Variants in UGGT1 observed in about 807,000 individuals in gnomAD.
UGGT1 encodes UDP-glucose:glycoprotein glucosyltransferase 1.
Under a neutral mutation model 203.9 loss-of-function variants are expected in UGGT1, and 107 were observed. The ratio of observed to expected loss-of-function variants is 0.52; its 90% confidence interval spans 0.45 to 0.62. The LOEUF (loss-of-function observed/expected upper bound fraction) is 0.62, where lower values mean the gene tolerates loss of function less well. Among genes scored for constraint, UGGT1 ranks in the 20% least tolerant of loss-of-function variants. The pLI is 0.00. For missense variants in UGGT1, 1,673 were observed against 1,867.2 expected (o/e 0.90, Z 1.92); for synonymous variants, 628 against 653.5 (o/e 0.96, Z 0.59).
Position 128,129,143 on chromosome 2 carries a change from A to G in UGGT1, c.1341A>G (p.Ala447=), listed in dbSNP as rs1688757270. The G allele has an allele frequency of 6.2e-7, 1 of 1,613,852 alleles. No homozygotes were observed. Among genetic ancestry groups the G allele is most frequent in the Non-Finnish European group, 8.5e-7 (1 of 1,180,000 alleles). ...AGCTGAACATCCAGCCCTCTGAGGC[A>G]GACTATGCCGTAGACATCCGGAGTC... ...VLKLNIQPSE[A]DYAVDIRSPA... Residue 447 remains alanine (A), a synonymous_variant, in exon 13 of 41, where the codon GCA becomes GCG. Coordinates refer to ENST00000259253, the MANE Select transcript of UGGT1 (RefSeq NM_020120.4).
At chr2:128,171,582 A>G (rs925308289) in intron 28 of UGGT1, among the ~76,000 whole-genome samples, 1 of 151,980 alleles carries the variant, frequency 6.6e-6, no homozygotes, top group Non-Finnish European at 1.5e-5. Flanking sequence ...ATCTTGGCTC[A>G]CTGCAGCCTC....
rs1558784829 is a variant in UGGT1 at position 128,138,761 on chromosome 2, G to A, written c.1628G>A (p.Gly543Glu). ...GTTAATGACTCTGAAGATGTTGATG[G>A]GATGCAAGATGCTGGAGTGGCTGTT... ...FVVNDSEDVD[G>E]MQDAGVAVLR... Residue 543 changes from glycine to glutamate, a missense_variant, in exon 16 of 41, where the codon GGG (glycine) becomes GAG (glutamate). Transcript: ENST00000259253. The A allele has an allele frequency of 6.2e-7, 1 of 1,614,052 alleles. No homozygotes were observed. The highest frequency in any genetic ancestry group is 2.2e-5 in the East Asian group (1 of 44,880).
chr2:128,159,786 C>G, intron 23 of UGGT1, 66 bp downstream of exon 23: 2 of 1,482,618 alleles, frequency 1.3e-6, no homozygotes, highest in Middle Eastern at 2.2e-4. Flanking sequence ...CCCACTGCAG[C>G]TTACGTGTCC....
chr2:128,106,335 G>T (rs533199392), intron 3 of UGGT1, among the ~76,000 whole-genome samples: 2 of 151,954 alleles, frequency 1.3e-5, no homozygotes, highest in Non-Finnish European at 2.9e-5. Flanking sequence ...AAAGCTATAG[G>T]AGTATGAATT....
At position 128,176,407 on chromosome 2, in the gene UGGT1, CAAAAAA is replaced by C. The variant is rs757833629; in HGVS notation, c.3540-388_3540-383del. Among the ~76,000 whole-genome samples the C allele has an allele frequency of 2.7e-4, 19 of 70,194 alleles. No individual in the cohort carries two copies. The South Asian group carries it at 2.9e-3, about 11-fold the overall frequency. 46.0% of individuals were successfully genotyped at this position (70,194 alleles called of 152,430 possible). A position where few individuals can be genotyped will look rare whatever the true frequency, so the allele number is the denominator to read the frequency against. ...AGGGCAACAGAGCAAAACTCTGTCTCAAAAAAAAAAAAAAAAAAAAAAAAGAGCGGA... is the reference window on the plus strand; with the variant it reads ...AGGGCAACAGAGCAAAACTCTGTCTCAAAAAAAAAAAAAAAAAAGAGCGGA... On this transcript the variant is annotated intron_variant, in intron 31 of 40. Transcript: ENST00000259253.
intron 11 of UGGT1, among the ~76,000 whole-genome samples, chr2:128,126,635 A>G (rs898834402): frequency 6.6e-6 from 1 of 150,564 alleles, no homozygotes; most frequent in Non-Finnish European, 1.5e-5. Flanking sequence ...CTATATTACC[A>G]GTGTCCAGAC....
At chr2:128,135,031 G>A in intron 15 of UGGT1, 70 bp downstream of exon 15, 2 of 1,320,452 alleles carry the variant, frequency 1.5e-6, no homozygotes, top group Non-Finnish European at 2.2e-6. Flanking sequence ...TTAAATGCAA[G>A]TCTGGTGCTA....
Position 128,189,712 on chromosome 2 carries a change from C to T in UGGT1, c.4643-5C>T, listed in dbSNP as rs1233517612. 6 of 1,611,648 alleles carry T rather than the reference C, an allele frequency of 3.7e-6. No homozygotes were observed. Among genetic ancestry groups the T allele is most frequent in the Non-Finnish European group, 5.1e-6 (6 of 1,178,612 alleles). On this transcript the variant is annotated splice_region_variant and splice_polypyrimidine_tract_variant and intron_variant, in intron 40 of 40. Coordinates refer to ENST00000259253, the MANE Select transcript of UGGT1 (RefSeq NM_020120.4). ...TTTCTTTTCTGTGGTTCTCCTTTTC[C>T]TTAGGTCCTCAGAAACGTGAAGAAT...
chr2:128,107,100 C>G (rs184369470), intron 3 of UGGT1, among the ~76,000 whole-genome samples: 17 of 152,186 alleles, frequency 1.1e-4, no homozygotes, highest in African/African-American at 3.4e-4. Context: ...CCTTCTGTTT[C>G]TTTCCTGCTT....
At chr2:128,140,883 T>C (rs1404569604) in intron 16 of UGGT1, among the ~76,000 whole-genome samples, 1 of 152,074 alleles carries the variant, frequency 6.6e-6, no homozygotes, top group Non-Finnish European at 1.5e-5. Flanking sequence ...AGATGATGTC[T>C]CACTATGTTT....
At position 128,161,134 on chromosome 2, in the gene UGGT1, A is replaced by G; in HGVS notation, c.2695-4A>G. 2.5e-6 allele frequency: 4 copies of G among 1,613,672 alleles called. No homozygotes were observed. The highest frequency in any genetic ancestry group is 3.4e-6 in the Non-Finnish European group (4 of 1,179,842). ...CTAAGCGCCTGCTCTTCTCTCCTTC[A>G]CAGATCATTGGGCCACTGGAGGATA... On this transcript the variant is annotated splice_polypyrimidine_tract_variant and splice_region_variant and intron_variant, in intron 24 of 40. Transcript: ENST00000259253.
In UGGT1 at chr2:128,169,048, T is replaced by TAAAAAAAAAAAAAAAA. The variant is rs544381740; in HGVS notation, c.2922-1212_2922-1197dup. ...GGGTGAATGAGCGAGACTCTGTCTT[T>TAAAAAAAAAAAAAAAA]AAAAAAAAAAAAAAAAAAAAAAAAA... is the stretch of plus-strand genomic sequence containing the variant. On this transcript the variant is annotated intron_variant, in intron 26 of 40. Transcript: ENST00000259253. Among the ~76,000 whole-genome samples, 8 of 52,566 alleles carry TAAAAAAAAAAAAAAAA rather than the reference T, an allele frequency of 1.5e-4. 1 individual carries two copies. Among genetic ancestry groups the TAAAAAAAAAAAAAAAA allele is most frequent in the East Asian group, 1.2e-3 (2 of 1,680 alleles). 34.5% of individuals were successfully genotyped at this position (52,566 alleles called of 152,430 possible).
rs1316320746 is a variant in UGGT1 at position 128,109,762 on chromosome 2, C to A, written c.521+16C>A. The A allele has an allele frequency of 6.3e-7, 1 of 1,597,268 alleles. No individual in the cohort carries two copies. The highest frequency in any genetic ancestry group is 8.6e-7 in the Non-Finnish European group (1 of 1,165,592). On this transcript the variant is annotated intron_variant, in intron 5 of 40. Transcript: ENST00000259253. Reference sequence around the variant, plus strand: ...CCTCTGAAAGGTAGATTATGTGTTTCTTTATTTTCATGTCATGCATTTCCA... The same window carrying A: ...CCTCTGAAAGGTAGATTATGTGTTTATTTATTTTCATGTCATGCATTTCCA...
intron 14 of UGGT1, 94 bp downstream of exon 14, chr2:128,133,354 C>T (rs1388281219): frequency 6.7e-7 from 1 of 1,494,726 alleles, no homozygotes; most frequent in East Asian, 2.4e-5. Context: ...CTCACCTTTA[C>T]TAGCTGCTTC....
At chr2:128,121,733 C>T (rs1244932182) in intron 10 of UGGT1, among the ~76,000 whole-genome samples, 2 of 152,122 alleles carry the variant, frequency 1.3e-5, no homozygotes, top group African/African-American at 4.8e-5. Context: ...ATGACCACCA[C>T]CACTACTATT....
At chr2:128,172,301 C>A (rs543329782) in intron 28 of UGGT1, among the ~76,000 whole-genome samples, 1 of 152,262 alleles carries the variant, frequency 6.6e-6, no homozygotes, top group East Asian at 1.9e-4. Flanking sequence ...GCTAGAGTAC[C>A]TGTTACTAGA....
chr2:128,188,141 C>G (rs1488645138), intron 40 of UGGT1, among the ~76,000 whole-genome samples: 1 of 151,844 alleles, frequency 6.6e-6, no homozygotes, highest in Non-Finnish European at 1.5e-5. Flanking sequence ...ATGCCTCAGC[C>G]TCCCAAGTAG....
At chr2:128,138,089 A>AAG (rs1275174173) in intron 15 of UGGT1, among the ~76,000 whole-genome samples, 1 of 152,104 alleles carries the variant, frequency 6.6e-6, no homozygotes, top group Non-Finnish European at 1.5e-5. Context: ...TTTTTGTTTA[A>AAG]AATCAGAAAA....
intron 34 of UGGT1, among the ~76,000 whole-genome samples, chr2:128,179,379 G>A (rs900743363): frequency 3.9e-5 from 6 of 152,174 alleles, no homozygotes; most frequent in Admixed American, 3.9e-4. Context: ...TGCAGGAGGC[G>A]CTGTGGTTAC....
Sources: allele counts gnomAD v4.1 joint callset (sites outside exome capture counted in the v4.1 genomes callset), GRCh38; gene constraint gnomAD v4.1.1; transcripts MANE v1.5; gene names NCBI Gene and HGNC (gene_info 2026-07-23, HGNC 2026-07-21).